TCF7L2: variants seen among roughly 807,000 people sequenced by gnomAD.
TCF7L2 encodes the protein transcription factor 7 like 2.
A neutral mutation model predicts 77.9 loss-of-function variants in TCF7L2; 23 were observed. That is an observed-to-expected ratio of 0.30 (90% CI 0.21 to 0.42). The LOEUF is 0.42. TCF7L2 is among the 10% of genes least tolerant of loss of function. The probability of loss-of-function intolerance (pLI) is 1.00; values close to 1 mark genes in which losing one functional copy is unlikely to be tolerated. For synonymous variants in TCF7L2, 413 were observed against 340.2 expected, an observed-to-expected ratio of 1.21 and a Z score of -2.36; for missense variants, 654 against 793.1, an observed-to-expected ratio of 0.82 and a Z score of 2.11.
chr10:112,982,666 A>T (rs1222515291), intron 4 of TCF7L2, among the ~76,000 whole-genome samples: 1 of 152,028 alleles, frequency 6.6e-6, no homozygotes, highest in African/African-American at 2.4e-5. Context: ...TGTTGCCCAG[A>T]CTGGAGTGCA....
In TCF7L2 at chr10:112,950,274, C is replaced by G. The variant is rs2030624206; in HGVS notation, c.-483C>G. The G allele has an allele frequency of 4.6e-6, 1 of 217,108 alleles. No homozygotes were observed. Among genetic ancestry groups the G allele is most frequent in the African/African-American group, 2.3e-5 (1 of 43,664 alleles). 13.4% of individuals were successfully genotyped at this position (217,108 alleles called of 1,614,324 possible). A position where few individuals can be genotyped will look rare whatever the true frequency, so the allele number is the denominator to read the frequency against. On this transcript the variant is annotated 5_prime_UTR_variant, in exon 1 of 14. Transcript: ENST00000627217. ...CAATAATCTCCGCTCCCAGACTACT[C>G]CGTTCCTCCGGATTTCGATCCCCCT...
intron 5 of TCF7L2, among the ~76,000 whole-genome samples, chr10:113,072,692 A>C (rs945600242): frequency 1.3e-5 from 2 of 152,212 alleles, no homozygotes; most frequent in Non-Finnish European, 2.9e-5. Context: ...AAAAAGAGCC[A>C]ACCCAAAATC....
chr10:113,081,750 T>C (rs182518894), intron 5 of TCF7L2, among the ~76,000 whole-genome samples: 3 of 152,288 alleles, frequency 2.0e-5, no homozygotes, highest in Admixed American at 6.5e-5. Context: ...TGCCAGTTAG[T>C]GTATGGATGT....
chr10:113,164,645 G>C, intron 13 of TCF7L2, among the ~76,000 whole-genome samples: 1 of 150,668 alleles, frequency 6.6e-6, no homozygotes, highest in Non-Finnish European at 1.5e-5. Flanking sequence ...TCCACAACCT[G>C]CAGGCCATAC....
intron 4 of TCF7L2, among the ~76,000 whole-genome samples, chr10:113,015,673 G>C (rs1409596416): frequency 1.3e-5 from 2 of 152,032 alleles, no homozygotes; most frequent in South Asian, 4.1e-4. Context: ...TAGAGATGGG[G>C]GTCTCACTAT....
intron 4 of TCF7L2, among the ~76,000 whole-genome samples, chr10:112,999,105 C>T (rs117963344): frequency 1.3e-5 from 2 of 152,356 alleles, no homozygotes; most frequent in East Asian, 3.9e-4. Flanking sequence ...CAGCCTCCAA[C>T]TCTTGGGTTC....
At chr10:113,129,645 C>T (rs1397146835) in intron 5 of TCF7L2, 1 of 1,179,372 alleles carries the variant, frequency 8.5e-7, no homozygotes, top group African/African-American at 1.6e-5. Flanking sequence ...CAACTTTGAG[C>T]ATTTTGAGCC....
At chr10:113,029,125 C>CT (rs1402508386) in intron 4 of TCF7L2, among the ~76,000 whole-genome samples, 2 of 151,942 alleles carry the variant, frequency 1.3e-5, no homozygotes, top group African/African-American at 4.8e-5. Flanking sequence ...TTCATGCCTA[C>CT]TTTTTTTTAG....
At chr10:113,162,931 C>T (rs117713253) in intron 13 of TCF7L2, among the ~76,000 whole-genome samples, 1,641 of 151,976 alleles carry the variant, frequency 0.011, 9 homozygotes, top group Non-Finnish European at 0.019. Context: ...TACCTTCCCC[C>T]TTTTACTCAA....
chr10:113,096,955 T>C (rs2061046416), intron 5 of TCF7L2, among the ~76,000 whole-genome samples: 1 of 152,174 alleles, frequency 6.6e-6, no homozygotes, highest in African/African-American at 2.4e-5. Flanking sequence ...CTGCTCGGCT[T>C]CTGCTCCTAC....
intron 4 of TCF7L2, among the ~76,000 whole-genome samples, chr10:113,034,703 C>T (rs2050836643): frequency 6.6e-6 from 1 of 152,026 alleles, no homozygotes; most frequent in South Asian, 2.1e-4. Context: ...TGAGACCAGC[C>T]TGACCAACAT....
chr10:113,080,024 C>A (rs1189916126), intron 5 of TCF7L2, among the ~76,000 whole-genome samples: 1 of 151,920 alleles, frequency 6.6e-6, no homozygotes, highest in Non-Finnish European at 1.5e-5. Context: ...TATGTGTGTA[C>A]TGTCTCTGCC....
At chr10:113,071,794 T>C (rs184037934) in intron 5 of TCF7L2, among the ~76,000 whole-genome samples, 13 of 152,266 alleles carry the variant, frequency 8.5e-5, no homozygotes, top group Middle Eastern at 3.4e-3. Context: ...TCACTATCAA[T>C]GTGACAGACA....
chr10:112,971,705 C>T (rs187049596), intron 4 of TCF7L2, among the ~76,000 whole-genome samples: 15 of 149,046 alleles, frequency 1.0e-4, no homozygotes, highest in Non-Finnish European at 1.5e-4. Context: ...CTCCGCTTCC[C>T]GGGTTCAAGC....
At chr10:113,106,173 T>C (rs543792211) in intron 5 of TCF7L2, among the ~76,000 whole-genome samples, 61 of 152,252 alleles carry the variant, frequency 4.0e-4, no homozygotes, top group African/African-American at 1.3e-3. Context: ...CAGAGTAATG[T>C]GTTCACTGTG....
intron 4 of TCF7L2, among the ~76,000 whole-genome samples, chr10:113,000,012 C>T (rs189389516): frequency 9.2e-5 from 14 of 152,244 alleles, no homozygotes; most frequent in Admixed American, 5.2e-4. Context: ...AGATATTCTA[C>T]GGTTAAGTAA....
At chr10:113,090,968 C>G (rs2060333712) in intron 5 of TCF7L2, among the ~76,000 whole-genome samples, 1 of 151,680 alleles carries the variant, frequency 6.6e-6, no homozygotes, top group Admixed American at 6.6e-5. Flanking sequence ...AGTGTGTGAT[C>G]TTGGCTCACT....
chr10:113,144,182 G>A (rs2068903354), intron 7 of TCF7L2, among the ~76,000 whole-genome samples, 157 bp downstream of exon 7: 1 of 151,686 alleles, frequency 6.6e-6, no homozygotes, highest in Admixed American at 6.6e-5. Context: ...GGCTGCGGGA[G>A]GGCACAGAAA....
chr10:113,070,419 G>T (rs577953422), intron 5 of TCF7L2, among the ~76,000 whole-genome samples: 2 of 151,856 alleles, frequency 1.3e-5, no homozygotes, highest in South Asian at 4.2e-4. Context: ...AATGTTTGGG[G>T]ACACCACTTT....
Sources: allele counts gnomAD v4.1 joint callset (sites outside exome capture counted in the v4.1 genomes callset), GRCh38; gene constraint gnomAD v4.1.1; transcripts MANE v1.5; gene names NCBI Gene and HGNC (gene_info 2026-07-23, HGNC 2026-07-21).